The following GPANK1 variants were observed in gnomAD, a reference collection of about 807,000 sequenced individuals.
GPANK1 encodes G patch domain and ankyrin repeat-containing protein 1.
A neutral mutation model predicts 24.0 loss-of-function variants in GPANK1; 22 were observed. The ratio of observed to expected loss-of-function variants is 0.92; its 90% confidence interval spans 0.66 to 1.31. The LOEUF is 1.31. GPANK1 is among the 50% of genes most tolerant of loss of function. The pLI, the probability that GPANK1 is intolerant of heterozygous loss-of-function variation, is 0.00. For missense variants in GPANK1, 469 were observed against 453.5 expected, an observed-to-expected ratio of 1.03 and a Z score of -0.31; for synonymous variants, 174 against 177.4, an observed-to-expected ratio of 0.98 and a Z score of 0.15.
At chr6:31,666,095 C>T (rs1437874025), upstream of GPANK1, 1 of 994,408 alleles carries the variant, frequency 1.0e-6, no homozygotes, top group Non-Finnish European at 1.2e-6. Flanking sequence ...CCACTCCCCC[C>T]ACCCCACTTC....
rs1800812033 is a variant in GPANK1, at chr6:31,661,290, T to C, written c.*976A>G. The C allele has an allele frequency of 6.6e-6, 1 of 152,250 alleles. No homozygotes were observed. The allele number at this position is 152,250 out of a possible 1,614,324, so 9.4% of individuals were successfully genotyped here. A position where few individuals can be genotyped will look rare whatever the true frequency, so the allele number is the denominator to read the frequency against. The stretch of plus-strand genomic sequence containing the variant: ...GCTAGAGTTCTGGTCCCAGTTCAAC[T>C]AAGTGTACAAGCTTGATAATCGTGG... On this transcript the variant is annotated 3_prime_UTR_variant, in exon 3 of 3. Coordinates refer to ENST00000375896, the MANE Select transcript of GPANK1 (RefSeq NM_033177.4).
rs946498862 is a variant in GPANK1, at chr6:31,664,738, A to T, written c.-100+103T>A. On this transcript the variant is annotated intron_variant, in intron 1 of 2. Transcript: ENST00000375896. ...TAGTAAAGATTAATAAAACTCCATG[A>T]GACTGTTGTCCAGAGGTCCTGCGTC... 135 of 513,508 alleles carry T rather than the reference A, an allele frequency of 2.6e-4. 1 individual carries two copies. Among genetic ancestry groups the T allele is most frequent in the Non-Finnish European group, 7.5e-5 (22 of 292,186 alleles). The allele number at this position is 513,508 out of a possible 1,614,324, so 31.8% of individuals were successfully genotyped here. A position where few individuals can be genotyped will look rare whatever the true frequency, so the allele number is the denominator to read the frequency against.
chr6:31,662,381 C>T lies in GPANK1; in HGVS notation c.956G>A (p.Gly319Glu). 2 of 1,612,554 alleles carry T rather than the reference C, an allele frequency of 1.2e-6. No individual in the cohort carries two copies. The highest frequency in any genetic ancestry group is 1.7e-6 in the Non-Finnish European group (2 of 1,179,776). Residue 319 changes from glycine (G) to glutamate (E), a missense_variant, in exon 3 of 3, where the codon GGG becomes GAG. Physicochemically the swap from Gly to Glu is moderately conservative, Grantham distance 98 (BLOSUM62 -2). Coordinates refer to ENST00000375896, the MANE Select transcript of GPANK1 (RefSeq NM_033177.4). This position sits in a 1 kb window ranked among gnomAD's most constrained non-coding sequence, Gnocchi z 5.5. ...GGCCACCCGAGGGGGTCTCTCCCTC[C>T]CAGCCACAGCTCGGGTATCCCAAGC... is the stretch of plus-strand genomic sequence containing the variant. ...FPAWDTRAVA[G>E]RERPPRVATL... is the part of the protein sequence containing the mutation.
At chr6:31,665,877 G>T, upstream of GPANK1, 1 of 1,108,808 alleles carries the variant, frequency 9.0e-7, no homozygotes, top group Non-Finnish European at 1.1e-6. Flanking sequence ...TCCGCTTCCG[G>T]TGGCTTCTCG....
chr6:31,665,495 T>C (rs1381505095), upstream of GPANK1: 1 of 1,562,374 alleles, frequency 6.4e-7, no homozygotes, highest in Non-Finnish European at 8.7e-7. Context: ...CCACCTCAGG[T>C]TAGCGCACTG....
In GPANK1 at chr6:31,662,425, G is replaced by A; in HGVS notation, c.912C>T (p.Pro304=). 6.2e-7 allele frequency: 1 copy of A among 1,612,518 alleles called. No individual in the cohort carries two copies. The highest frequency in any genetic ancestry group is 1.3e-5 in the African/African-American group (1 of 75,046). The change falls in exon 3 of 3, where the codon CCC becomes CCT. Residue 304 remains proline, a synonymous_variant. Transcript: ENST00000375896. This position sits in a 1 kb window ranked among gnomAD's most constrained non-coding sequence, Gnocchi z 5.5. ...CCCAAGCTGGGAAATGTGTCACTCGGGGCTGGGGTGCTGATCTGTAGCCTA... is the reference window on the plus strand; with the variant it reads ...CCCAAGCTGGGAAATGTGTCACTCGAGGCTGGGGTGCTGATCTGTAGCCTA... ...EGLGYRSAPQ[P]RVTHFPAWDT... is the part of the protein sequence containing the mutation.
upstream of GPANK1, chr6:31,665,820 A>C (rs951700201): frequency 1.6e-6 from 2 of 1,255,790 alleles, no homozygotes; most frequent in Non-Finnish European, 2.0e-6. Flanking sequence ...CAGTGAGCAC[A>C]AAACTGTATT....
In GPANK1 at chr6:31,662,610, C is replaced by A; in HGVS notation, c.727G>T (p.Gly243Cys). Reference sequence around the variant, plus strand: ...AGTGGAAGGTTGGGAGGCTGAGGACCCTGCGACAGTGACAGCAGGTGAGCA... The same window carrying A: ...AGTGGAAGGTTGGGAGGCTGAGGACACTGCGACAGTGACAGCAGGTGAGCA... The part of the protein sequence containing the change: ...STAHLLSLSQ[G>C]PQPPNLPLGV... Residue 243 changes from glycine to cysteine, a missense_variant, in exon 3 of 3, where the codon GGT becomes TGT. Transcript: ENST00000375896. This position sits in a 1 kb window ranked among gnomAD's most constrained non-coding sequence, Gnocchi z 5.5. 6.2e-7 allele frequency: 1 copy of A among 1,612,902 alleles called. No individual in the cohort carries two copies.
chr6:31,665,978 C>T (rs1801633404), upstream of GPANK1: 1 of 1,017,640 alleles, frequency 9.8e-7, no homozygotes, highest in South Asian at 3.8e-5. Context: ...CGCTTTCTCT[C>T]ATTTAGCCAG....
chr6:31,664,655 C>T (rs1562035347), intron 1 of GPANK1, 78 bp from the exon 2 acceptor site: 4 of 597,110 alleles, frequency 6.7e-6, no homozygotes, highest in Non-Finnish European at 8.9e-6. Context: ...TCTGCAGGGC[C>T]TAAGGGAGAG....
In GPANK1 at chr6:31,663,745, G is replaced by A. The variant is rs1302981761; in HGVS notation, c.626+108C>T. 20 of 1,468,374 alleles carry A rather than the reference G, an allele frequency of 1.4e-5. 1 individual carries two copies. The South Asian group carries it at 2.6e-4, about 19-fold the overall frequency. The allele number at this position is 1,468,374 out of a possible 1,614,324, so 91.0% of individuals were successfully genotyped here. ...TATACTACCCTGTCAACCTACACAT[G>A]AGGATAAGGAAAGAACTCTTCAGCA... On this transcript the variant is annotated intron_variant, in intron 2 of 2. Transcript: ENST00000375896.
At chr6:31,665,101 G>C (rs1157972626), upstream of GPANK1, 2 of 379,258 alleles carry the variant, frequency 5.3e-6, no homozygotes, top group African/African-American at 4.1e-5. Context: ...TTACTTGAGG[G>C]CTCGGGCGTG....
In GPANK1 at chr6:31,662,846, G is replaced by A; in HGVS notation, c.627-136C>T. Reference sequence around the variant, plus strand: ...AGGAACAAATTGCCAGCTAGGCATAGTGGCTCACGCCTGTAATCCCAACAC... The same window carrying A: ...AGGAACAAATTGCCAGCTAGGCATAATGGCTCACGCCTGTAATCCCAACAC... On this transcript the variant is annotated intron_variant, in intron 2 of 2. Transcript: ENST00000375896. The surrounding 1 kb of genome is among the most constrained non-coding windows in gnomAD (Gnocchi z 5.5). 1 of 581,046 alleles carries A rather than the reference G, an allele frequency of 1.7e-6. No individual in the cohort carries two copies. The highest frequency in any genetic ancestry group is 3.0e-6 in the Non-Finnish European group (1 of 333,870). 36.0% of individuals were successfully genotyped at this position (581,046 alleles called of 1,614,324 possible).
At chr6:31,665,450 G>A (rs376330772), upstream of GPANK1, 796 of 1,568,384 alleles carry the variant, frequency 5.1e-4, 20 homozygotes, top group South Asian at 8.7e-3. Flanking sequence ...AAGGGGAAAT[G>A]GAGAAGTGCA....
rs707920 is a variant in GPANK1 at position 31,661,319 on chromosome 6, T to C, written c.*947A>G. On this transcript the variant is annotated 3_prime_UTR_variant, in exon 3 of 3. Transcript: ENST00000375896. ...TGTACAAGCTTGATAATCGTGGGCC[T>C]TCCTATCACACTGGCCTCTTCCAGC... 0.38 allele frequency: 57,113 copies of C among 152,076 alleles called. 11,799 individuals carry two copies. The highest frequency in any genetic ancestry group is 0.55 in the African/African-American group (22,914 of 41,450). 9.4% of individuals were successfully genotyped at this position (152,076 alleles called of 1,614,324 possible).
Position 31,662,703 on chromosome 6 carries a change from TAGG to T in GPANK1, c.631_633del (p.Pro211del), listed in dbSNP as rs766890850. ...TTCTCGCAGTACTGGAGGGAGGGAG[TAGG>T]AGACCTGCAGAGAAAGAAGAAAAAG... On this transcript the variant is annotated inframe_deletion, in exon 3 of 3. Coordinates refer to ENST00000375896, the MANE Select transcript of GPANK1 (RefSeq NM_033177.4). The surrounding 1 kb of genome is among the most constrained non-coding windows in gnomAD (Gnocchi z 5.5). 1 of 1,572,878 alleles carries T rather than the reference TAGG, an allele frequency of 6.4e-7. No homozygotes were observed. Among genetic ancestry groups the T allele is most frequent in the South Asian group, 1.1e-5 (1 of 88,182 alleles).
At position 31,664,220 on chromosome 6, in the gene GPANK1, C is replaced by G; in HGVS notation, c.259G>C (p.Gly87Arg). 6.2e-7 allele frequency: 1 copy of G among 1,614,130 alleles called. No homozygotes were observed. Among genetic ancestry groups the G allele is most frequent in the Non-Finnish European group, 8.5e-7 (1 of 1,179,926 alleles). ...KAPAAEAVAEGASGRHGQGRS... is the reference protein window; with the variant it reads ...KAPAAEAVAERASGRHGQGRS... Reference sequence around the variant, plus strand: ...CCTTGTCCATGTCTTCCTGATGCTCCTTCTGCCACTGCTTCTGCTGCTGGT... The same window carrying G: ...CCTTGTCCATGTCTTCCTGATGCTCGTTCTGCCACTGCTTCTGCTGCTGGT... Residue 87 changes from glycine to arginine, a missense_variant, in exon 2 of 3, where the codon GGA (glycine) becomes CGA (arginine). Gly to Arg is a moderately radical substitution (Grantham distance 125). Transcript: ENST00000375896.
upstream of GPANK1, chr6:31,665,637 C>G: frequency 4.3e-6 from 4 of 936,798 alleles, no homozygotes; most frequent in Non-Finnish European, 6.7e-6. Context: ...TCTGGCGGGA[C>G]TGATTCGCAC....
At chr6:31,666,151 C>A (rs539448235), upstream of GPANK1, 5 of 990,392 alleles carry the variant, frequency 5.0e-6, no homozygotes, top group African/African-American at 1.7e-5. Flanking sequence ...CGGTCGCCGC[C>A]GTTCCCTGGA....
Sources: allele counts gnomAD v4.1 joint callset, GRCh38; gene constraint gnomAD v4.1.1; non-coding constraint Gnocchi (gnomAD v3.1); transcripts MANE v1.5; gene names NCBI Gene and HGNC (gene_info 2026-07-23, HGNC 2026-07-21).